Variants in ADGRL2 observed in about 807,000 individuals in gnomAD.
ADGRL2 encodes the protein calcium-independent alpha-latrotoxin receptor 2.
A neutral mutation model predicts 157.4 loss-of-function variants in ADGRL2; 44 were observed. The ratio of observed to expected loss-of-function variants is 0.28; its 90% CI spans 0.22 to 0.36. The LOEUF is 0.36. Ranked by LOEUF, ADGRL2 falls within the 10% of genes least tolerant of loss-of-function variation. The probability of loss-of-function intolerance (pLI) is 1.00; values close to 1 mark genes in which losing one functional copy is unlikely to be tolerated. For missense variants in ADGRL2, 1,510 were observed against 1,768.9 expected (o/e 0.85, Z 2.63); for synonymous variants, 585 against 624.7 (o/e 0.94, Z 0.95).
At chr1:81,608,509 A>C (rs1007810086) in intron 3 of ADGRL2, among the ~76,000 whole-genome samples, 1 of 152,232 alleles carries the variant, frequency 6.6e-6, no homozygotes, top group Non-Finnish European at 1.5e-5. Context: ...ATATTGGATG[A>C]AACAAAATTA....
intron 3 of ADGRL2, among the ~76,000 whole-genome samples, chr1:81,614,342 C>A (rs1419690382): frequency 6.6e-6 from 1 of 152,164 alleles, no homozygotes; most frequent in African/African-American, 2.4e-5. Flanking sequence ...TGTTCTTGCT[C>A]ACTGTGCTCT....
intron 2 of ADGRL2, among the ~76,000 whole-genome samples, chr1:81,852,395 G>A (rs560069759): frequency 2.6e-5 from 4 of 152,050 alleles, no homozygotes; most frequent in South Asian, 2.1e-4. Context: ...GCTTCTTTTC[G>A]GAAGAGATAC....
At position 81,950,437 on chromosome 1, in the gene ADGRL2, C is replaced by G. The variant is rs186256320; in HGVS notation, c.1459C>G (p.Gln487Glu). 1 of 1,613,872 alleles carries G rather than the reference C, an allele frequency of 6.2e-7. No individual in the cohort carries two copies. Among genetic ancestry groups the G allele is most frequent in the Admixed American group, 1.7e-5 (1 of 60,002 alleles). ...CAAGGGGATAAAGTGGCCTCAGACA[C>G]AAAGGGGAATGATGGTTGAACGACC... ...DSKGIKWPQT[Q>E]RGMMVERPCP... is the part of the protein sequence containing the mutation. The change falls in exon 7 of 24, where the codon CAA (glutamine) becomes GAA (glutamate). Residue 487 changes from glutamine (Q) to glutamate (E), a missense_variant. Gln to Glu is a conservative substitution (Grantham distance 29). Coordinates refer to ENST00000686636, the MANE Select transcript of ADGRL2 (RefSeq NM_001366006.2).
intron 1 of ADGRL2, among the ~76,000 whole-genome samples, chr1:81,359,862 C>T (rs1030858489): frequency 7.9e-5 from 12 of 151,996 alleles, no homozygotes; most frequent in African/African-American, 2.9e-4. Flanking sequence ...AGATTCTTCT[C>T]TTTCCCTCAT....
At chr1:81,395,057 C>T (rs964688003) in intron 1 of ADGRL2, among the ~76,000 whole-genome samples, 4 of 152,054 alleles carry the variant, frequency 2.6e-5, no homozygotes, top group Non-Finnish European at 4.4e-5. Context: ...TGCCACCATG[C>T]CCAGCCACCA....
At chr1:81,331,984 G>A (rs1456234948) in intron 1 of ADGRL2, among the ~76,000 whole-genome samples, 1 of 152,106 alleles carries the variant, frequency 6.6e-6, no homozygotes, top group African/African-American at 2.4e-5. Flanking sequence ...TAGGGGACAA[G>A]TTAAATCAAT....
At chr1:81,984,488 T>A (rs1662574260) in intron 19 of ADGRL2, 95 bp from the exon 20 acceptor site, 1 of 1,272,200 alleles carries the variant, frequency 7.9e-7, no homozygotes. Context: ...AGTGGAACTT[T>A]AATTCTTTTC....
At chr1:81,627,852 CAAG>C (rs1281637901) in intron 3 of ADGRL2, among the ~76,000 whole-genome samples, 1 of 152,196 alleles carries the variant, frequency 6.6e-6, no homozygotes, top group African/African-American at 2.4e-5. Flanking sequence ...CAGCTCAGCA[CAAG>C]ATGCCACAGC....
chr1:81,945,767 T>G (rs774565255), intron 6 of ADGRL2, among the ~76,000 whole-genome samples: 52 of 152,186 alleles, frequency 3.4e-4, no homozygotes, highest in Non-Finnish European at 6.9e-4. Flanking sequence ...TTATAAATAG[T>G]CCCAGAACAT....
chr1:81,536,514 G>A (rs1325388935), intron 2 of ADGRL2, among the ~76,000 whole-genome samples: 1 of 152,114 alleles, frequency 6.6e-6, no homozygotes, highest in African/African-American at 2.4e-5. Flanking sequence ...CACTGAAATG[G>A]GGAATCAGCT....
intron 1 of ADGRL2, among the ~76,000 whole-genome samples, chr1:81,732,073 A>G (rs2084744312): frequency 6.6e-6 from 1 of 152,192 alleles, no homozygotes; most frequent in African/African-American, 2.4e-5. Context: ...AGGGACAGGT[A>G]GATAACTGTG....
chr1:81,606,773 T>TGCGC (rs940813050), intron 3 of ADGRL2, among the ~76,000 whole-genome samples: 5 of 115,758 alleles, frequency 4.3e-5, no homozygotes, highest in Non-Finnish European at 1.0e-4. Flanking sequence ...TGTGTGTGTG[T>TGCGC]GCGCACGCGT....
chr1:81,426,752 T>A (rs1440810547), intron 1 of ADGRL2: 1 of 461,576 alleles, frequency 2.2e-6, no homozygotes, highest in Non-Finnish European at 4.2e-6. Context: ...ACCACACAGG[T>A]TGGTGGGTGT....
intron 3 of ADGRL2, among the ~76,000 whole-genome samples, chr1:81,606,168 T>G (rs1013578955): frequency 6.6e-6 from 1 of 152,186 alleles, no homozygotes; most frequent in Non-Finnish European, 1.5e-5. Flanking sequence ...TAGAATGAAG[T>G]GATGATAATT....
chr1:81,877,800 G>A (rs1212348031), intron 2 of ADGRL2, among the ~76,000 whole-genome samples: 1 of 152,004 alleles, frequency 6.6e-6, no homozygotes, highest in Non-Finnish European at 1.5e-5. Flanking sequence ...TGGTTATATG[G>A]ATACCTTACC....
chr1:81,530,706 C>A (rs1416592275), intron 2 of ADGRL2, among the ~76,000 whole-genome samples: 1 of 152,090 alleles, frequency 6.6e-6, no homozygotes, highest in Non-Finnish European at 1.5e-5. Context: ...GGGACAAAGC[C>A]TCTAGAAGCT....
Position 81,943,839 on chromosome 1 carries a change from A to T in ADGRL2, c.1210+70A>T. 3 of 1,246,564 alleles carry T rather than the reference A, an allele frequency of 2.4e-6. No individual in the cohort carries two copies. Among genetic ancestry groups the T allele is most frequent in the Non-Finnish European group, 2.3e-6 (2 of 888,746 alleles). The allele number at this position is 1,246,564 out of a possible 1,614,324, so 77.2% of individuals were successfully genotyped here. On this transcript the variant is annotated intron_variant, in intron 6 of 23. Transcript: ENST00000686636. The surrounding 1 kb of genome is among the most constrained non-coding windows in gnomAD (Gnocchi z 5.6). ...CATTTTTCTTTTTAAAGACTTCTTA[A>T]TTTTTTTTTCCTATTTTCTTCCCCT...
At chr1:81,854,297 G>T (rs1421194010) in intron 2 of ADGRL2, among the ~76,000 whole-genome samples, 4 of 152,148 alleles carry the variant, frequency 2.6e-5, no homozygotes, top group African/African-American at 9.7e-5. Flanking sequence ...ATTAGGCAGT[G>T]TAGTCATTTG....
chr1:81,660,904 A>G (rs754817114), intron 3 of ADGRL2, among the ~76,000 whole-genome samples: 1 of 152,228 alleles, frequency 6.6e-6, no homozygotes, highest in African/African-American at 2.4e-5. Flanking sequence ...GGGAACATAG[A>G]AAACATGTAA....
Sources: allele counts gnomAD v4.1 joint callset (sites outside exome capture counted in the v4.1 genomes callset), GRCh38; gene constraint gnomAD v4.1.1; non-coding constraint Gnocchi (gnomAD v3.1); transcripts MANE v1.5; gene names NCBI Gene and HGNC (gene_info 2026-07-23, HGNC 2026-07-21).